The following DENND1B variants were observed in gnomAD, a reference collection of about 807,000 sequenced individuals.
DENND1B encodes the protein DENN domain-containing protein 1B.
Under a neutral mutation model 90.1 loss-of-function variants are expected in DENND1B, and 59 were observed. The observed-to-expected ratio is 0.65, with a 90% CI of 0.53 to 0.81. The LOEUF (loss-of-function observed/expected upper bound fraction) is 0.81, where lower values mean the gene tolerates loss of function less well. Among genes scored for constraint, DENND1B ranks in the 40% least tolerant of loss-of-function variants. The pLI is 0.00. For missense variants in DENND1B, 862 were observed against 912.6 expected (o/e 0.94, Z 0.71); for synonymous variants, 337 against 324.6 (o/e 1.04, Z -0.41).
intron 10 of DENND1B, among the ~76,000 whole-genome samples, chr1:197,632,632 CTT>C (rs1021691410): frequency 6.6e-6 from 1 of 152,110 alleles, no homozygotes; most frequent in Non-Finnish European, 1.5e-5. Flanking sequence ...TGAATAAATA[CTT>C]ATATACCTTA....
intron 1 of DENND1B, 102 bp from the exon 2 acceptor site, chr1:197,773,034 C>T: frequency 1.0e-6 from 1 of 991,082 alleles, no homozygotes; most frequent in Non-Finnish European, 1.6e-6. Context: ...TGTCTCAATA[C>T]ATTTCACGTG....
chr1:197,563,860 A>T (rs1672385947), intron 15 of DENND1B, among the ~76,000 whole-genome samples: 1 of 151,970 alleles, frequency 6.6e-6, no homozygotes, highest in African/African-American at 2.4e-5. Flanking sequence ...CATTAACAGG[A>T]GTTTGGAAAA....
At chr1:197,538,449 A>G (rs969570339) in intron 20 of DENND1B, among the ~76,000 whole-genome samples, 1 of 152,208 alleles carries the variant, frequency 6.6e-6, no homozygotes, top group African/African-American at 2.4e-5. Flanking sequence ...TAGAACAGAC[A>G]ATCAGTACTG....
At chr1:197,559,332 G>A (rs915762793) in intron 15 of DENND1B, among the ~76,000 whole-genome samples, 3 of 151,896 alleles carry the variant, frequency 2.0e-5, no homozygotes, top group Admixed American at 6.6e-5. Context: ...GTAGAGAGAT[G>A]AGGCAGTGGT....
rs1667823089 is a variant in DENND1B, at chr1:197,508,335, G to A, written c.*2125C>T. On this transcript the variant is annotated 3_prime_UTR_variant, in exon 23 of 23. Transcript: ENST00000620048. Reference sequence around the variant, plus strand: ...ATTTAAAACAGCTCTTTTGCTATATGGACTTCTTCCATTATAAACTTCAGT... The same window carrying A: ...ATTTAAAACAGCTCTTTTGCTATATAGACTTCTTCCATTATAAACTTCAGT... 6.6e-6 allele frequency: 1 copy of A among 151,572 alleles called. No individual in the cohort carries two copies. Among genetic ancestry groups the A allele is most frequent in the Admixed American group, 6.6e-5 (1 of 15,158 alleles). The allele number at this position is 151,572 out of a possible 1,614,324, so 9.4% of individuals were successfully genotyped here.
At chr1:197,598,689 T>C (rs938398055) in intron 13 of DENND1B, among the ~76,000 whole-genome samples, 6 of 152,028 alleles carry the variant, frequency 3.9e-5, no homozygotes, top group East Asian at 3.9e-4. Context: ...CTTAGTCATA[T>C]GGCTATTATC....
At chr1:197,605,706 T>C (rs1168949098) in intron 13 of DENND1B, 1 of 151,142 alleles carries the variant, frequency 6.6e-6, no homozygotes, top group Non-Finnish European at 1.5e-5. Context: ...CTAGTTATAA[T>C]GAGCTAAAAA....
At position 197,509,388 on chromosome 1, in the gene DENND1B, G is replaced by A. The variant is rs1399545936; in HGVS notation, c.*1072C>T. On this transcript the variant is annotated 3_prime_UTR_variant, in exon 23 of 23. Coordinates refer to ENST00000620048, the MANE Select transcript of DENND1B (RefSeq NM_001195215.2). ...TCTTGATGTGGAAAATGGATATTAG[G>A]AGAAAACTAAGAAAATCTGAATAAA... 6.6e-6 allele frequency: 1 copy of A among 151,682 alleles called. No homozygotes were observed. Among genetic ancestry groups the A allele is most frequent in the Non-Finnish European group, 1.5e-5 (1 of 67,808 alleles). The allele number at this position is 151,682 out of a possible 1,614,324, so 9.4% of individuals were successfully genotyped here. A position where few individuals can be genotyped will look rare whatever the true frequency, so the allele number is the denominator to read the frequency against.
chr1:197,775,047 G>A (rs1406788881), intron 1 of DENND1B, 92 bp downstream of exon 1: 9 of 925,408 alleles, frequency 9.7e-6, no homozygotes, highest in Admixed American at 4.7e-5. Context: ...CCGGGGAGCC[G>A]GTTGAGCGCG....
At chr1:197,614,960 G>A (rs1295635948) in intron 11 of DENND1B, among the ~76,000 whole-genome samples, 1 of 150,930 alleles carries the variant, frequency 6.6e-6, no homozygotes, top group African/African-American at 2.4e-5. Context: ...CCACATTAAA[G>A]TACTCTTACA....
At chr1:197,690,231 G>T in intron 3 of DENND1B, 2 of 282,680 alleles carry the variant, frequency 7.1e-6, no homozygotes, top group South Asian at 5.0e-5. Context: ...TCATGGCAAT[G>T]TTGCTGGTGA....
intron 18 of DENND1B, among the ~76,000 whole-genome samples, chr1:197,542,959 A>T (rs1670452682): frequency 6.6e-6 from 1 of 151,706 alleles, no homozygotes; most frequent in Non-Finnish European, 1.5e-5. Context: ...CCCTGAGACA[A>T]AGTCTCACTT....
At chr1:197,673,984 T>A (rs1655790040) in intron 4 of DENND1B, 136 bp downstream of exon 4, 2 of 644,304 alleles carry the variant, frequency 3.1e-6, no homozygotes, top group African/African-American at 3.8e-5. Flanking sequence ...ATTTTCAACC[T>A]CTTTTCAATC....
At chr1:197,571,044 C>T (rs545280363) in intron 15 of DENND1B, among the ~76,000 whole-genome samples, 36 of 145,866 alleles carry the variant, frequency 2.5e-4, no homozygotes, top group African/African-American at 9.2e-4. Context: ...TACTCTAACC[C>T]ATAAGTAAGA....
intron 5 of DENND1B, among the ~76,000 whole-genome samples, chr1:197,661,687 TAC>T (rs1654422129): frequency 6.6e-6 from 1 of 152,110 alleles, no homozygotes; most frequent in African/African-American, 2.4e-5. Flanking sequence ...AAAAACTATA[TAC>T]ATAACAATAA....
rs546940611 is a variant in DENND1B, at chr1:197,608,007, T to A, written c.820-833A>T. 7.3e-5 allele frequency among the ~76,000 whole-genome samples: 11 copies of A among 150,794 alleles called. No homozygotes were observed. The East Asian group carries it at 1.6e-3, about 21-fold the overall frequency. The stretch of plus-strand genomic sequence containing the variant: ...CCTTAATAAGTGCTCATTAATTAAA[T>A]ACATTCATGAACTCTGAATTTCATA... On this transcript the variant is annotated intron_variant, in intron 12 of 22. Transcript: ENST00000620048.
At chr1:197,591,250 C>G (rs894847898) in intron 14 of DENND1B, among the ~76,000 whole-genome samples, 4 of 152,246 alleles carry the variant, frequency 2.6e-5, no homozygotes, top group Middle Eastern at 6.8e-3. Context: ...CCCTTTATCA[C>G]TATAAGCTCC....
chr1:197,605,430 G>A (rs537480190), intron 13 of DENND1B: 55 of 150,954 alleles, frequency 3.6e-4, no homozygotes, highest in African/African-American at 1.3e-3. Context: ...ATTGATTGAA[G>A]CTGCCTATAA....
chr1:197,696,680 C>T (rs1414513098), intron 3 of DENND1B, among the ~76,000 whole-genome samples: 2 of 151,358 alleles, frequency 1.3e-5, no homozygotes, highest in Non-Finnish European at 3.0e-5. Context: ...CTTAAATTAC[C>T]TTGCCTATTA....
Sources: allele counts gnomAD v4.1 joint callset (sites outside exome capture counted in the v4.1 genomes callset), GRCh38; gene constraint gnomAD v4.1.1; transcripts MANE v1.5; gene names NCBI Gene and HGNC (gene_info 2026-07-23, HGNC 2026-07-21).